The following TULP4 variants were observed in gnomAD, a reference collection of about 807,000 sequenced individuals.
The protein encoded by TULP4 is tubby-related protein 4.
Under a neutral mutation model 129.0 loss-of-function variants are expected in TULP4, and 16 were observed. That is an observed-to-expected ratio of 0.12 (90% CI 0.08 to 0.19). The LOEUF (loss-of-function observed/expected upper bound fraction) is 0.19. TULP4 is among the 10% of genes least tolerant of loss of function. The pLI, the probability that TULP4 is intolerant of heterozygous loss-of-function variation, is 1.00. For missense variants in TULP4, 1,842 were observed against 2,059.1 expected, an observed-to-expected ratio of 0.89 and a Z score of 2.04; for synonymous variants, 998 against 854.0, an observed-to-expected ratio of 1.17 and a Z score of -2.94.
intron 1 of TULP4, among the ~76,000 whole-genome samples, chr6:158,384,870 C>T (rs920085745): frequency 2.6e-5 from 4 of 152,170 alleles, no homozygotes; most frequent in Non-Finnish European, 5.9e-5. Flanking sequence ...GGGCTTATCT[C>T]ATAAATATCT....
At chr6:158,466,817 C>T (rs1779562506) in intron 6 of TULP4, among the ~76,000 whole-genome samples, 2 of 152,056 alleles carry the variant, frequency 1.3e-5, no homozygotes, top group Admixed American at 1.3e-4. Context: ...GAACTGTTTA[C>T]CTGGTGCTTT....
At chr6:158,342,690 C>T (rs1780208449) in intron 1 of TULP4, among the ~76,000 whole-genome samples, 1 of 152,158 alleles carries the variant, frequency 6.6e-6, no homozygotes, top group African/African-American at 2.4e-5. Flanking sequence ...GGCACCATGG[C>T]ATAAAGAATG....
At chr6:158,246,284 G>A (rs953446718) in intron 1 of TULP4, among the ~76,000 whole-genome samples, 15 of 151,906 alleles carry the variant, frequency 9.9e-5, no homozygotes, top group African/African-American at 3.6e-4. Flanking sequence ...GGTGGATTAC[G>A]AGGTCAGGAG....
At chr6:158,476,028 C>T (rs1001257441) in intron 6 of TULP4, among the ~76,000 whole-genome samples, 1 of 152,136 alleles carries the variant, frequency 6.6e-6, no homozygotes, top group Non-Finnish European at 1.5e-5. Context: ...CATTCATTTC[C>T]CCAGGTCAGT....
intron 1 of TULP4, among the ~76,000 whole-genome samples, chr6:158,396,380 A>T (rs1777716123): frequency 6.6e-6 from 1 of 152,214 alleles, no homozygotes. Context: ...ATATTTACAC[A>T]GAGCTTAAAC....
chr6:158,329,238 A>G (rs975237235), intron 1 of TULP4, among the ~76,000 whole-genome samples: 6 of 152,108 alleles, frequency 3.9e-5, no homozygotes, highest in Non-Finnish European at 7.4e-5. Context: ...CACTTGGCCT[A>G]GTTAGATTTG....
At chr6:158,291,332 G>A (rs1335695423) in intron 1 of TULP4, among the ~76,000 whole-genome samples, 5 of 152,248 alleles carry the variant, frequency 3.3e-5, no homozygotes, top group African/African-American at 1.2e-4. Flanking sequence ...GAATATAATT[G>A]TGTTTTCTTT....
At chr6:158,238,251 GA>G (rs1260601968) in intron 1 of TULP4, 1 of 1,121,662 alleles carries the variant, frequency 8.9e-7, no homozygotes, top group Non-Finnish European at 1.3e-6. Flanking sequence ...GAAAATTCCT[GA>G]AGCAGCTCTA....
chr6:158,481,416 TC>T (rs1203286010), intron 8 of TULP4, 127 bp downstream of exon 8: 1 of 805,234 alleles, frequency 1.2e-6, no homozygotes, highest in African/African-American at 1.7e-5. Flanking sequence ...GTGTGGAACA[TC>T]CTTGAAGCTA....
intron 1 of TULP4, among the ~76,000 whole-genome samples, chr6:158,243,330 T>G (rs1777961685): frequency 6.6e-6 from 1 of 152,126 alleles, no homozygotes; most frequent in South Asian, 2.1e-4. Flanking sequence ...TATCTTACCT[T>G]AAAAATTTTT....
chr6:158,392,801 T>C (rs1005500387), intron 1 of TULP4, among the ~76,000 whole-genome samples: 11 of 104,502 alleles, frequency 1.1e-4, no homozygotes, highest in Non-Finnish European at 1.8e-4. Flanking sequence ...TTTCTTTTTT[T>C]TTTTTTTTTT....
At chr6:158,258,325 C>A (rs1022005633) in intron 1 of TULP4, among the ~76,000 whole-genome samples, 4 of 152,214 alleles carry the variant, frequency 2.6e-5, no homozygotes, top group African/African-American at 9.7e-5. Flanking sequence ...CTGAGTTATT[C>A]CTTTTCTGTC....
chr6:158,267,792 G>A (rs1392232348), intron 1 of TULP4, among the ~76,000 whole-genome samples: 1 of 152,118 alleles, frequency 6.6e-6, no homozygotes, highest in Non-Finnish European at 1.5e-5. Context: ...GTATAGACAT[G>A]TTTGTTGGCC....
intron 1 of TULP4, among the ~76,000 whole-genome samples, chr6:158,305,310 T>C (rs532167963): frequency 6.9e-6 from 1 of 145,196 alleles, no homozygotes. Context: ...CTGAATGATA[T>C]TTCATTCTGT....
At chr6:158,444,124 G>C (rs1001540586) in intron 3 of TULP4, among the ~76,000 whole-genome samples, 1 of 141,222 alleles carries the variant, frequency 7.1e-6, no homozygotes, top group Non-Finnish European at 1.5e-5. Context: ...GGAGGCTGAG[G>C]CAGGAGAATG....
intron 1 of TULP4, chr6:158,237,353 C>T (rs1162628137): frequency 3.7e-6 from 6 of 1,612,376 alleles, no homozygotes; most frequent in Non-Finnish European, 5.1e-6. Context: ...CCACCTTTTC[C>T]ACCTTTCTTC....
At position 158,476,146 on chromosome 6, in the gene TULP4, A is replaced by G. The variant is rs1779814853; in HGVS notation, c.1027-3605A>G. 2.0e-5 allele frequency among the ~76,000 whole-genome samples: 3 copies of G among 152,162 alleles called. No homozygotes were observed. The South Asian group carries it at 6.2e-4, about 32-fold the overall frequency. On this transcript the variant is annotated intron_variant, in intron 6 of 13. Coordinates refer to ENST00000367097, the MANE Select transcript of TULP4 (RefSeq NM_020245.5). ...TATTATGGCAAAGGTACCAGCGTTT[A>G]TTTTGCTGCTTTATCATCTTACATG...
intron 5 of TULP4, among the ~76,000 whole-genome samples, chr6:158,459,715 C>T (rs765668624): frequency 5.3e-5 from 8 of 152,158 alleles, no homozygotes; most frequent in Non-Finnish European, 1.0e-4. Context: ...TTCATGTCGT[C>T]ATCTTTATTT....
chr6:158,303,831 AAT>A (rs1779169400), intron 1 of TULP4, among the ~76,000 whole-genome samples: 1 of 152,216 alleles, frequency 6.6e-6, no homozygotes, highest in African/African-American at 2.4e-5. Context: ...ACTTGTAATG[AAT>A]ATGTTTCTGT....
Sources: gnomAD v4.1 joint callset for allele counts (sites outside exome capture counted in the v4.1 genomes callset) on GRCh38, gnomAD v4.1.1 for gene constraint, MANE v1.5 for transcripts, NCBI Gene and HGNC (gene_info 2026-07-23, HGNC 2026-07-21) for gene names.